RTN4: variants seen among roughly 807,000 people sequenced by gnomAD.
The protein encoded by RTN4 is reticulon-4.
RTN4 carries 32 observed loss-of-function variants against 90.4 expected under a neutral mutation model. That is an observed-to-expected ratio of 0.35 (90% CI 0.27 to 0.48). The LOEUF (loss-of-function observed/expected upper bound fraction) is 0.48, where lower values mean the gene tolerates loss of function less well. Among genes scored for constraint, RTN4 ranks in the 20% least tolerant of loss-of-function variants. The pLI, the probability that RTN4 is intolerant of heterozygous loss-of-function variation, is 0.99. For synonymous variants in RTN4, 629 were observed against 552.5 expected (o/e 1.14, Z -1.94); for missense variants, 1,706 against 1,430.2 (o/e 1.19, Z -3.11).
chr2:55,081,413 A>C (rs1668715059), intron 1 of RTN4, among the ~76,000 whole-genome samples: 1 of 152,132 alleles, frequency 6.6e-6, no homozygotes, highest in South Asian at 2.1e-4. Flanking sequence ...CCAGAAAATT[A>C]ATTCAAAACT....
At chr2:55,041,714 A>T (rs1373990875) in intron 1 of RTN4, among the ~76,000 whole-genome samples, 2 of 152,100 alleles carry the variant, frequency 1.3e-5, no homozygotes, top group African/African-American at 4.8e-5. Flanking sequence ...AAATCAAATA[A>T]TTAAATGTTA....
intron 1 of RTN4, among the ~76,000 whole-genome samples, chr2:55,034,958 A>T (rs187308430): frequency 1.3e-5 from 2 of 152,342 alleles, no homozygotes; most frequent in East Asian, 1.9e-4. Flanking sequence ...TGCATTCTGT[A>T]ATCCCTAGAA....
At chr2:55,037,750 A>G (rs1682790957) in intron 1 of RTN4, among the ~76,000 whole-genome samples, 1 of 152,212 alleles carries the variant, frequency 6.6e-6, no homozygotes, top group African/African-American at 2.4e-5. Context: ...ATTCAATGCA[A>G]TCCCAATCAA....
chr2:55,063,745 G>A (rs543624330), intron 2 of RTN4, among the ~76,000 whole-genome samples: 1 of 152,060 alleles, frequency 6.6e-6, no homozygotes, highest in African/African-American at 2.4e-5. Flanking sequence ...GCCGGGCGTG[G>A]TGGTGGGCGC....
chr2:55,104,241 G>T (rs1667903286), intron 1 of RTN4, among the ~76,000 whole-genome samples: 1 of 150,752 alleles, frequency 6.6e-6, no homozygotes, highest in South Asian at 2.1e-4. Flanking sequence ...TTTTTAAGTA[G>T]AGACAGGGTT....
At chr2:55,052,297 C>T (rs1668109564), upstream of RTN4, among the ~76,000 whole-genome samples, 1 of 152,082 alleles carries the variant, frequency 6.6e-6, no homozygotes, top group Non-Finnish European at 1.5e-5. Flanking sequence ...ATAGAGGAAA[C>T]TGTGGTTAGG....
At chr2:55,015,686 A>G (rs964904449) in intron 3 of RTN4, among the ~76,000 whole-genome samples, 1 of 152,234 alleles carries the variant, frequency 6.6e-6, no homozygotes. Context: ...CTTTTAAAAA[A>G]TACCTAGTAC....
chr2:55,082,998 C>T (rs1167979315), intron 1 of RTN4, among the ~76,000 whole-genome samples: 1 of 152,066 alleles, frequency 6.6e-6, no homozygotes, highest in African/African-American at 2.4e-5. Flanking sequence ...AGGTCTAAAG[C>T]TTTTCAAATT....
chr2:55,006,086 G>C (rs1282556546), intron 3 of RTN4, among the ~76,000 whole-genome samples: 3 of 152,004 alleles, frequency 2.0e-5, no homozygotes, highest in Admixed American at 2.0e-4. Flanking sequence ...ACTTAATGGA[G>C]GAAAAAGACT....
chr2:55,031,545 G>C (rs911244280), intron 1 of RTN4, among the ~76,000 whole-genome samples: 6 of 152,224 alleles, frequency 3.9e-5, no homozygotes, highest in Non-Finnish European at 7.3e-5. Context: ...CTATGGTAGA[G>C]CTGCAAATTA....
intron 3 of RTN4, among the ~76,000 whole-genome samples, chr2:55,011,563 T>A (rs1680643242): frequency 6.6e-6 from 1 of 152,134 alleles, no homozygotes; most frequent in Non-Finnish European, 1.5e-5. Context: ...CAAAAATACA[T>A]ACTTAAGACT....
the RTN4 span, among the ~76,000 whole-genome samples, chr2:55,127,801 C>CA: frequency 3.9e-5 from 6 of 152,184 alleles, no homozygotes; most frequent in Non-Finnish European, 7.3e-5. Flanking sequence ...CCCCCAGAAT[C>CA]ACTCTTTCTA....
At chr2:54,975,287 G>C (rs566115059) in intron 5 of RTN4, among the ~76,000 whole-genome samples, 1 of 152,314 alleles carries the variant, frequency 6.6e-6, no homozygotes, top group Non-Finnish European at 1.5e-5. Flanking sequence ...CACAAAGTCA[G>C]TCTGAATTTT....
intron 3 of RTN4, among the ~76,000 whole-genome samples, chr2:54,997,513 C>G (rs998024494): frequency 3.3e-5 from 5 of 151,984 alleles, no homozygotes; most frequent in Non-Finnish European, 4.4e-5. Flanking sequence ...GAATTTTCAC[C>G]CAAGAAACTA....
intron 5 of RTN4, among the ~76,000 whole-genome samples, chr2:54,978,431 C>CA (rs10718270): frequency 0.31 from 24,801 of 80,902 alleles, 3,402 homozygotes; most frequent in East Asian, 0.54. Flanking sequence ...ACTCTATCTC[C>CA]AAAAAAAAAA....
At position 54,973,600 on chromosome 2, in the gene RTN4, C is replaced by T; in HGVS notation, c.3499G>A (p.Gly1167Arg). The part of the protein sequence containing the change: ...RHQAQIDHYL[G>R]LANKNVKDAM... ...TCTTTAACATTCTTATTTGCAAGTC[C>T]TAGATAATGATCTATCTGTGCCTGA... is the stretch of plus-strand genomic sequence containing the variant. The change falls in exon 8 of 9, where the codon GGA (glycine) becomes AGA (arginine). Residue 1167 changes from glycine (G) to arginine (R), a missense_variant. By Grantham distance (125) the Gly-to-Arg change is moderately radical. Coordinates refer to ENST00000337526, the MANE Select transcript of RTN4 (RefSeq NM_020532.5). The T allele has an allele frequency of 8.1e-6, 13 of 1,610,674 alleles. No individual in the cohort carries two copies. Among genetic ancestry groups the T allele is most frequent in the Non-Finnish European group, 1.0e-5 (12 of 1,177,028 alleles).
chr2:55,062,089 A>G lies in RTN4; in HGVS notation c.-63+18400T>C. Among the ~76,000 whole-genome samples, 2 of 152,164 alleles carry G rather than the reference A, an allele frequency of 1.3e-5. 1 individual carries two copies. Among genetic ancestry groups the G allele is most frequent in the Non-Finnish European group, 2.9e-5 (2 of 68,026 alleles). On this transcript the variant is annotated intron_variant, in intron 2 of 3. Coordinates refer to the RTN4 transcript ENST00000427710. ...CCGGCAGGTCATTGACCGGCAGAAC[A>G]GAGTTTGGCCAGGGCTGTCAGAGAA...
At chr2:55,057,335 A>G (rs1466163444) in intron 2 of RTN4, among the ~76,000 whole-genome samples, 1 of 145,792 alleles carries the variant, frequency 6.9e-6, no homozygotes, top group Non-Finnish European at 1.5e-5. Flanking sequence ...GAGGCATAGA[A>G]GGTACAGAAA....
chr2:54,972,391 TAAC>T lies in RTN4; in HGVS notation c.*762_*764del, dbSNP rs1225638790. On this transcript the variant is annotated 3_prime_UTR_variant, in exon 9 of 9. Transcript: ENST00000337526. ...CAGTCCATAGATTCTGTGACAAAAT[TAAC>T]TACAGTCAGTCTGTGCAATGAAATT... 10 of 152,004 alleles carry T rather than the reference TAAC, an allele frequency of 6.6e-5. No homozygotes were observed. In the South Asian group the frequency reaches 2.1e-3, roughly 32 times the overall value. The allele number at this position is 152,004 out of a possible 1,614,324, so 9.4% of individuals were successfully genotyped here.
Sources: allele counts gnomAD v4.1 joint callset (sites outside exome capture counted in the v4.1 genomes callset), GRCh38; gene constraint gnomAD v4.1.1; transcripts MANE v1.5; gene names NCBI Gene and HGNC (gene_info 2026-07-23, HGNC 2026-07-21).